MRAP2: variants seen among roughly 807,000 people sequenced by gnomAD.
MRAP2 encodes the protein melanocortin-2 receptor accessory protein 2.
MRAP2 carries 20 observed loss-of-function variants against 17.4 expected under a neutral mutation model. The observed-to-expected ratio is 1.15, with a 90% CI of 0.81 to 1.67. The LOEUF is 1.67. MRAP2 is among the 40% of genes most tolerant of loss of function. The pLI is 0.00. For missense variants in MRAP2, 238 were observed against 240.0 expected (o/e 0.99, Z 0.05); for synonymous variants, 96 against 88.4 (o/e 1.09, Z -0.48).
At chr6:84,109,525 A>G in the MRAP2 span, among the ~76,000 whole-genome samples, 20 of 152,230 alleles carry the variant, frequency 1.3e-4, no homozygotes, top group Admixed American at 4.6e-4. Context: ...TTGATTTTGT[A>G]TACCGAAGTT....
intron 3 of MRAP2, chr6:84,063,363 A>T (rs959504317): frequency 3.0e-6 from 3 of 985,306 alleles, no homozygotes; most frequent in Non-Finnish European, 3.6e-6. Flanking sequence ...ACAATGGCAA[A>T]ATAGGATGAA....
the MRAP2 span, among the ~76,000 whole-genome samples, chr6:84,134,094 G>A: frequency 7.2e-5 from 11 of 152,198 alleles, no homozygotes; most frequent in South Asian, 2.1e-4. Context: ...CGGCTATGGC[G>A]GCTTTGCCAA....
intron 3 of MRAP2, among the ~76,000 whole-genome samples, chr6:84,082,052 C>T (rs2099499131): frequency 6.6e-6 from 1 of 152,170 alleles, no homozygotes; most frequent in African/African-American, 2.4e-5. Flanking sequence ...AATACAGGTG[C>T]TTTGGTGAAC....
chr6:84,106,666 G>A, the MRAP2 span, among the ~76,000 whole-genome samples: 1 of 152,248 alleles, frequency 6.6e-6, no homozygotes, highest in East Asian at 1.9e-4. Flanking sequence ...GTGAGGCCAT[G>A]GATGCAGGCT....
At position 84,077,409 on chromosome 6, in the gene MRAP2, G is replaced by A. The variant is rs186169626; in HGVS notation, c.228-11682G>A. ...TACATTGGGGGCTGTCACATCCTTC[G>A]TGGCTAGACTGTAGGATTAGCAAGG... is the stretch of plus-strand genomic sequence containing the variant. On this transcript the variant is annotated intron_variant, in intron 3 of 3. Coordinates refer to ENST00000257776, the MANE Select transcript of MRAP2 (RefSeq NM_138409.4). Among the ~76,000 whole-genome samples the A allele has an allele frequency of 3.5e-4, 54 of 152,316 alleles. 2 individuals are homozygous for A. The highest frequency in any genetic ancestry group is 1.6e-3 in the Admixed American group (24 of 15,308).
intron 1 of MRAP2, among the ~76,000 whole-genome samples, chr6:84,048,253 C>T (rs2099489540): frequency 6.6e-6 from 1 of 152,138 alleles, no homozygotes; most frequent in Admixed American, 6.6e-5. Context: ...ACAAGGGTTC[C>T]AGTTTCTCTA....
At chr6:84,074,062 A>C (rs946606961) in intron 3 of MRAP2, among the ~76,000 whole-genome samples, 1 of 152,176 alleles carries the variant, frequency 6.6e-6, no homozygotes, top group Non-Finnish European at 1.5e-5. Context: ...GGCTCAGAGC[A>C]TCCCTCAGTA....
intron 3 of MRAP2, among the ~76,000 whole-genome samples, chr6:84,072,500 G>T (rs761931984): frequency 3.9e-5 from 6 of 152,230 alleles, no homozygotes; most frequent in African/African-American, 1.4e-4. Context: ...AATGGACTCC[G>T]TGAGGGTTTT....
the MRAP2 span, among the ~76,000 whole-genome samples, chr6:84,133,256 T>C: frequency 7.9e-5 from 12 of 152,102 alleles, no homozygotes; most frequent in Admixed American, 6.5e-5. Flanking sequence ...CTGTATGAGG[T>C]GTCAGTTGGC....
chr6:84,125,353 G>C, the MRAP2 span: 2 of 1,271,066 alleles, frequency 1.6e-6, no homozygotes, highest in Non-Finnish European at 2.2e-6. Context: ...CTTAAAGTAG[G>C]CAAACCTGGG....
chr6:84,039,685 T>C (rs1388896456), intron 1 of MRAP2, among the ~76,000 whole-genome samples: 2 of 152,242 alleles, frequency 1.3e-5, no homozygotes, highest in Non-Finnish European at 2.9e-5. Context: ...GAAAATAGTT[T>C]GTAAGCTTCA....
intron 1 of MRAP2, among the ~76,000 whole-genome samples, chr6:84,053,922 T>C (rs2099491073): frequency 6.6e-6 from 1 of 151,990 alleles, no homozygotes; most frequent in Non-Finnish European, 1.5e-5. Flanking sequence ...GGAGTCCATG[T>C]CTGGGATGGG....
chr6:84,037,301 G>C (rs2099486347), intron 1 of MRAP2, among the ~76,000 whole-genome samples: 1 of 152,146 alleles, frequency 6.6e-6, no homozygotes, highest in African/African-American at 2.4e-5. Context: ...GCTGATTGGT[G>C]CATCCACGAA....
intron 1 of MRAP2, among the ~76,000 whole-genome samples, chr6:84,040,390 G>A (rs533875833): frequency 6.6e-6 from 1 of 152,320 alleles, no homozygotes; most frequent in East Asian, 1.9e-4. Flanking sequence ...TGGTACTGAG[G>A]TAGTGGGGAG....
chr6:84,076,562 G>A (rs962289507), intron 3 of MRAP2, among the ~76,000 whole-genome samples: 3 of 152,024 alleles, frequency 2.0e-5, no homozygotes, highest in Non-Finnish European at 2.9e-5. Context: ...GTTTCACCAC[G>A]TTGCCCAGGC....
chr6:84,104,679 C>T, the MRAP2 span, among the ~76,000 whole-genome samples: 2 of 152,066 alleles, frequency 1.3e-5, 1 homozygote, highest in Non-Finnish European at 2.9e-5. Flanking sequence ...CCATCCTGGA[C>T]AACATGCTGA....
At chr6:84,109,627 G>A in the MRAP2 span, among the ~76,000 whole-genome samples, 1 of 152,008 alleles carries the variant, frequency 6.6e-6, no homozygotes, top group South Asian at 2.1e-4. Context: ...TGTACTTTAA[G>A]TTCTGGGGTA....
At chr6:84,053,306 G>T (rs1285455421) in intron 1 of MRAP2, among the ~76,000 whole-genome samples, 2 of 152,082 alleles carry the variant, frequency 1.3e-5, no homozygotes, top group African/African-American at 4.8e-5. Flanking sequence ...AAAATGATAT[G>T]ATCAAACCAG....
chr6:84,099,469 A>G, the MRAP2 span, among the ~76,000 whole-genome samples: 1 of 152,038 alleles, frequency 6.6e-6, no homozygotes, highest in African/African-American at 2.4e-5. Flanking sequence ...TTTAAATGTA[A>G]CCTCCGATGT....
Sources: gnomAD v4.1 joint callset for allele counts (sites outside exome capture counted in the v4.1 genomes callset) on GRCh38, gnomAD v4.1.1 for gene constraint, MANE v1.5 for transcripts, NCBI Gene and HGNC (gene_info 2026-07-23, HGNC 2026-07-21) for gene names.